ADGRB3: variants seen among roughly 807,000 people sequenced by gnomAD.
The protein encoded by ADGRB3 is brain-specific angiogenesis inhibitor 3.
Under a neutral mutation model 193.4 loss-of-function variants are expected in ADGRB3, and 37 were observed. The ratio of observed to expected loss-of-function variants is 0.19; its 90% CI spans 0.15 to 0.25. ADGRB3 has a LOEUF of 0.25. Among genes scored for constraint, ADGRB3 ranks in the 10% least tolerant of loss-of-function variants. The pLI is 1.00. For synonymous variants in ADGRB3, 690 were observed against 644.2 expected (o/e 1.07, Z -1.08); for missense variants, 1,637 against 1,852.9 (o/e 0.88, Z 2.14).
intron 26 of ADGRB3, among the ~76,000 whole-genome samples, chr6:69,350,256 A>G (rs1769193613): frequency 6.7e-6 from 1 of 149,730 alleles, no homozygotes; most frequent in African/African-American, 2.5e-5. Flanking sequence ...TTGATAGCTT[A>G]TTGTTTTTTC....
chr6:68,776,248 T>A (rs576241226), intron 3 of ADGRB3, among the ~76,000 whole-genome samples: 3 of 152,274 alleles, frequency 2.0e-5, no homozygotes, highest in Non-Finnish European at 4.4e-5. Context: ...GGTCAGAGAC[T>A]CTAATAAGAG....
intron 28 of ADGRB3, among the ~76,000 whole-genome samples, chr6:69,356,413 T>C (rs1300262629): frequency 6.6e-6 from 1 of 152,072 alleles, no homozygotes; most frequent in African/African-American, 2.4e-5. Flanking sequence ...AGTCACTGTC[T>C]CCATATTTAT....
chr6:68,978,251 T>C (rs939061734), intron 10 of ADGRB3, among the ~76,000 whole-genome samples: 1 of 151,480 alleles, frequency 6.6e-6, no homozygotes, highest in African/African-American at 2.4e-5. Flanking sequence ...ATTGTTAATT[T>C]GAGCTGTACC....
chr6:68,816,623 T>G (rs1411076906), intron 3 of ADGRB3, among the ~76,000 whole-genome samples: 3 of 152,048 alleles, frequency 2.0e-5, no homozygotes, highest in Non-Finnish European at 4.4e-5. Context: ...GCCTTAAAAT[T>G]ATTAATGTAG....
intron 6 of ADGRB3, among the ~76,000 whole-genome samples, chr6:68,945,443 GAC>G (rs1767751423): frequency 6.6e-6 from 1 of 152,018 alleles, no homozygotes; most frequent in Non-Finnish European, 1.5e-5. Context: ...CAGGCAGGCA[GAC>G]ACACACATAT....
At chr6:69,386,387 T>C (rs1562006151) in intron 31 of ADGRB3, among the ~76,000 whole-genome samples, 1 of 152,082 alleles carries the variant, frequency 6.6e-6, no homozygotes, top group Non-Finnish European at 1.5e-5. Context: ...AAACTAAGGA[T>C]TCCCAGAAAT....
In ADGRB3 at chr6:68,840,369, CTTTTTTTTTTTTTTTTTTTTTTTTTTT is replaced by C. The variant is rs752625602; in HGVS notation, c.758-90177_758-90151del. Among the ~76,000 whole-genome samples the C allele has an allele frequency of 1.7e-4, 12 of 69,426 alleles. 1 individual carries two copies. Among genetic ancestry groups the C allele is most frequent in the African/African-American group, 9.0e-4 (12 of 13,406 alleles). The allele number at this position is 69,426 out of a possible 152,430, so 45.5% of individuals were successfully genotyped here. A position where few individuals can be genotyped will look rare whatever the true frequency, so the allele number is the denominator to read the frequency against. On this transcript the variant is annotated intron_variant, in intron 3 of 31. Coordinates refer to ENST00000370598, the MANE Select transcript of ADGRB3 (RefSeq NM_001704.3). ...GCAGTGGAGTAAGGCACTGGGCAGT[CTTTTTTTTTTTTTTTTTTTTTTTTTTT>C]TTTTTTTTTTTTGAGACAAGGTCTT...
chr6:68,981,220 T>C (rs1768901367), intron 10 of ADGRB3, among the ~76,000 whole-genome samples: 1 of 151,636 alleles, frequency 6.6e-6, no homozygotes, highest in South Asian at 2.1e-4. Context: ...CTCTCTAAAA[T>C]GGGCAGAAGT....
At chr6:69,314,663 A>T (rs1049814809) in intron 20 of ADGRB3, among the ~76,000 whole-genome samples, 1 of 151,608 alleles carries the variant, frequency 6.6e-6, no homozygotes, top group Non-Finnish European at 1.5e-5. Context: ...GATATTTTCC[A>T]TAACATCCAA....
chr6:68,858,882 T>C (rs765933369), intron 3 of ADGRB3, among the ~76,000 whole-genome samples: 4 of 152,230 alleles, frequency 2.6e-5, no homozygotes, highest in Non-Finnish European at 5.9e-5. Flanking sequence ...TTGGGGCTGC[T>C]GTGAAGATCT....
chr6:68,921,225 G>C (rs142882220), intron 3 of ADGRB3, among the ~76,000 whole-genome samples: 59 of 152,268 alleles, frequency 3.9e-4, no homozygotes, highest in Admixed American at 7.2e-4. Context: ...AAGAGGGTCA[G>C]ATGGGATTTT....
rs115221326 is a variant in ADGRB3 at position 68,889,091 on chromosome 6, C to T, written c.758-41468C>T. Among the ~76,000 whole-genome samples, 809 of 152,290 alleles carry T rather than the reference C, an allele frequency of 5.3e-3. 8 individuals are homozygous for T. The highest frequency in any genetic ancestry group is 0.018 in the African/African-American group (761 of 41,554). ...TAAGAGGTGGATGTCAGAGGAAAGACAGGATCAATCAAGATAGGTAGAATA... is the reference window on the plus strand; with the variant it reads ...TAAGAGGTGGATGTCAGAGGAAAGATAGGATCAATCAAGATAGGTAGAATA... On this transcript the variant is annotated intron_variant, in intron 3 of 31. Transcript: ENST00000370598.
At chr6:69,294,179 A>AT (rs71803817) in intron 20 of ADGRB3, among the ~76,000 whole-genome samples, 3,991 of 150,062 alleles carry the variant, frequency 0.027, 81 homozygotes, top group Non-Finnish European at 0.041. Context: ...AGCTTGTTTA[A>AT]TTTTTTTTTT....
chr6:68,846,585 T>A (rs2127389239), intron 3 of ADGRB3, among the ~76,000 whole-genome samples: 1 of 152,358 alleles, frequency 6.6e-6, no homozygotes, highest in Non-Finnish European at 1.5e-5. Context: ...CAGTTCAGGC[T>A]GTGGCTTCAG....
At chr6:69,069,671 C>A (rs1772017802) in intron 16 of ADGRB3, among the ~76,000 whole-genome samples, 1 of 134,510 alleles carries the variant, frequency 7.4e-6, no homozygotes, top group African/African-American at 2.9e-5. Flanking sequence ...ACAGAGGTTG[C>A]AGTGAGCCAA....
intron 17 of ADGRB3, among the ~76,000 whole-genome samples, chr6:69,156,731 G>A (rs998322072): frequency 1.1e-4 from 16 of 152,184 alleles, no homozygotes; most frequent in Non-Finnish European, 2.1e-4. Flanking sequence ...ATCCAATGTT[G>A]TTATGAAAAT....
chr6:69,383,081 G>T, intron 31 of ADGRB3, 146 bp downstream of exon 31: 1 of 453,690 alleles, frequency 2.2e-6, no homozygotes, highest in South Asian at 5.5e-5. Flanking sequence ...ACTTTGGAAA[G>T]TCTACCAAGA....
intron 17 of ADGRB3, among the ~76,000 whole-genome samples, chr6:69,213,464 T>C (rs891701962): frequency 2.0e-5 from 3 of 152,230 alleles, no homozygotes; most frequent in African/African-American, 7.2e-5. Context: ...GAAATTAATA[T>C]TTGCTATACA....
At chr6:69,339,763 T>C (rs1195773273) in intron 26 of ADGRB3, among the ~76,000 whole-genome samples, 1 of 152,128 alleles carries the variant, frequency 6.6e-6, no homozygotes, top group African/African-American at 2.4e-5. Flanking sequence ...GAAGAATAGA[T>C]TTAAAAGAAG....
Sources: allele counts gnomAD v4.1 joint callset (sites outside exome capture counted in the v4.1 genomes callset), GRCh38; gene constraint gnomAD v4.1.1; transcripts MANE v1.5; gene names NCBI Gene and HGNC (gene_info 2026-07-23, HGNC 2026-07-21).